The following CACNA1G variants were observed in gnomAD, a reference collection of about 807,000 sequenced individuals.
CACNA1G encodes the protein calcium voltage-gated channel subunit alpha1 G.
CACNA1G carries 67 observed loss-of-function variants against 219.4 expected under a neutral mutation model. The observed-to-expected ratio is 0.31, with a 90% CI of 0.25 to 0.37. The LOEUF is 0.37. CACNA1G is among the 10% of genes least tolerant of loss of function. CACNA1G has a pLI of 1.00. For synonymous variants in CACNA1G, 1,296 were observed against 1,345.3 expected (o/e 0.96, Z 0.80); for missense variants, 2,380 against 3,231.4 (o/e 0.74, Z 6.39).
At chr17:50,609,525 C>T (rs1041746745) in intron 25 of CACNA1G, among the ~76,000 whole-genome samples, 21 of 151,992 alleles carry the variant, frequency 1.4e-4, no homozygotes, top group African/African-American at 3.9e-4. Context: ...TTTTGGCAGG[C>T]GGCACTTGTG....
intron 13 of CACNA1G, among the ~76,000 whole-genome samples, chr17:50,594,445 T>A (rs1238233402): frequency 1.3e-5 from 2 of 152,188 alleles, no homozygotes; most frequent in Non-Finnish European, 2.9e-5. Flanking sequence ...CTGACTTTCG[T>A]CCATTCCTTT....
At position 50,623,791 on chromosome 17, in the gene CACNA1G, G is replaced by A. The variant is rs964591319; in HGVS notation, c.6061-116G>A. The A allele has an allele frequency of 9.3e-6, 10 of 1,080,676 alleles. No individual in the cohort carries two copies. In the East Asian group the frequency reaches 2.4e-4, roughly 25 times the overall value. 66.9% of individuals were successfully genotyped at this position (1,080,676 alleles called of 1,614,324 possible). ...CCCATCTCTACCTTGTCCTGGGAGG[G>A]CACGGGGGTGAGGGCTGGGCGGGGG... On this transcript the variant is annotated intron_variant, in intron 35 of 37. Transcript: ENST00000359106.
intron 28 of CACNA1G, 94 bp downstream of exon 28, chr17:50,616,478 C>G: frequency 4.1e-6 from 3 of 737,680 alleles, no homozygotes; most frequent in Non-Finnish European, 6.8e-6. Context: ...GTGTCTAAGA[C>G]TTTTCTTAAT....
rs1446750520 is a variant in CACNA1G at position 50,624,380 on chromosome 17, T to C, written c.6250T>C (p.Ser2084Pro). Residue 2084 changes from serine (S) to proline (P), a missense_variant, in exon 37 of 38, where the codon TCC becomes CCC. Around this residue, in one of 17 missense-constraint regions of CACNA1G, gnomAD observed 672 missense variants for 670.5 expected, o/e 1.00. Transcript: ENST00000359106. ...AQSGSVLSVH[S>P]QPADTSYILQ... ...CACAGGCTCCGTCTTGTCCGTTCAC[T>C]CCCAGCCAGCAGATACCAGCTACAT... 3 of 1,310,484 alleles carry C rather than the reference T, an allele frequency of 2.3e-6. No individual in the cohort carries two copies. 81.2% of individuals were successfully genotyped at this position (1,310,484 alleles called of 1,614,324 possible).
At position 50,619,025 on chromosome 17, in the gene CACNA1G, C is replaced by T; in HGVS notation, c.5781+17C>T. The T allele has an allele frequency of 6.7e-7, 1 of 1,497,154 alleles. No homozygotes were observed. The highest frequency in any genetic ancestry group is 2.3e-5 in the East Asian group (1 of 43,606). 92.7% of individuals were successfully genotyped at this position (1,497,154 alleles called of 1,614,324 possible). The stretch of plus-strand genomic sequence containing the variant: ...CACCCCACGGTGAGCAGACACCCAC[C>T]CCAGCCGTGAGAGGAGCTGGGGCAG... On this transcript the variant is annotated intron_variant, in intron 33 of 37. Coordinates refer to ENST00000359106, the MANE Select transcript of CACNA1G (RefSeq NM_018896.5).
At position 50,600,523 on chromosome 17, in the gene CACNA1G, C is replaced by T. The variant is rs2046410422; in HGVS notation, c.3691-203C>T. ...GGAGGAGGTGGAGAGGCAAGGGGTC[C>T]TCAGGGATGGGGAGGGGGCCTGGCA... is the stretch of plus-strand genomic sequence containing the variant. On this transcript the variant is annotated intron_variant, in intron 17 of 37. Coordinates refer to ENST00000359106, the MANE Select transcript of CACNA1G (RefSeq NM_018896.5). This position sits in a 1 kb window ranked among gnomAD's most constrained non-coding sequence, Gnocchi z 4.1. Among the ~76,000 whole-genome samples, 1 of 151,238 alleles carries T rather than the reference C, an allele frequency of 6.6e-6. No homozygotes were observed. The highest frequency in any genetic ancestry group is 1.5e-5 in the Non-Finnish European group (1 of 67,766).
At chr17:50,593,741 G>C (rs1188524567) in intron 13 of CACNA1G, among the ~76,000 whole-genome samples, 1 of 152,208 alleles carries the variant, frequency 6.6e-6, no homozygotes, top group Non-Finnish European at 1.5e-5. Context: ...GGTGTCTTGG[G>C]CTGGGATGCT....
chr17:50,578,395 G>T lies in CACNA1G; in HGVS notation c.2132G>T (p.Arg711Leu), dbSNP rs768461820. 6.2e-7 allele frequency: 1 copy of T among 1,613,198 alleles called. No individual in the cohort carries two copies. Among genetic ancestry groups the T allele is most frequent in the African/African-American group, 1.3e-5 (1 of 74,908 alleles). ...QHSDLRDPHSRRQRSLGPDAE... is the reference protein window; with the variant it reads ...QHSDLRDPHSLRQRSLGPDAE... ...AGCGACCTCCGGGACCCCCACAGCC[G>T]GCGGCAACGGAGCCTGGGCCCAGAT... The change falls in exon 9 of 38, where the codon CGG becomes CTG. Residue 711 changes from arginine to leucine, a missense_variant. By Grantham distance (102) the Arg-to-Leu change is moderately radical. Around this residue, in one of 17 missense-constraint regions of CACNA1G, gnomAD observed 434 missense variants for 417.3 expected, o/e 1.04. Coordinates refer to ENST00000359106, the MANE Select transcript of CACNA1G (RefSeq NM_018896.5). This position sits in a 1 kb window ranked among gnomAD's most constrained non-coding sequence, Gnocchi z 4.5.
chr17:50,578,525 G>A lies in CACNA1G; in HGVS notation c.2262G>A (p.Leu754=), dbSNP rs1466478196. The change falls in exon 9 of 38, where the codon CTG becomes CTA. Residue 754 remains leucine, a synonymous_variant. Coordinates refer to ENST00000359106, the MANE Select transcript of CACNA1G (RefSeq NM_018896.5). This position sits in a 1 kb window ranked among gnomAD's most constrained non-coding sequence, Gnocchi z 4.5. ...GCCGGGGAATCATGATCGCCATCCT[G>A]GTCAACACACTCAGCATGGGCATCG... The part of the protein sequence containing the change: ...YFGRGIMIAI[L]VNTLSMGIEY... 6.3e-7 allele frequency: 1 copy of A among 1,576,060 alleles called. No individual in the cohort carries two copies.
In CACNA1G at chr17:50,587,067, C is replaced by A. The variant is rs199890098; in HGVS notation, c.2302-3404C>A. ...GATGCAGGCTAGACCTGGGAAGGGA[C>A]TTCCACAGCTGGGGGTGGCCAGTGA... On this transcript the variant is annotated intron_variant, in intron 9 of 37. Coordinates refer to ENST00000359106, the MANE Select transcript of CACNA1G (RefSeq NM_018896.5). Among the ~76,000 whole-genome samples, 22 of 152,294 alleles carry A rather than the reference C, an allele frequency of 1.4e-4. No individual in the cohort carries two copies. In the East Asian group the frequency reaches 3.9e-3, roughly 27 times the overall value.
At chr17:50,566,834 C>T (rs2038014768) in intron 1 of CACNA1G, among the ~76,000 whole-genome samples, 1 of 152,242 alleles carries the variant, frequency 6.6e-6, no homozygotes, top group African/African-American at 2.4e-5. Context: ...GGAGCCCCAG[C>T]TCAGCAGGGG....
At chr17:50,576,605 C>T (rs2040718323) in intron 8 of CACNA1G, among the ~76,000 whole-genome samples, 1 of 152,246 alleles carries the variant, frequency 6.6e-6, no homozygotes, top group Admixed American at 6.5e-5. Context: ...AACTGTTGCA[C>T]ACAGCAATGG....
chr17:50,595,176 A>G, intron 14 of CACNA1G, 115 bp downstream of exon 14: 1 of 760,384 alleles, frequency 1.3e-6, no homozygotes, highest in East Asian at 2.8e-5. Context: ...AACCTGTCAT[A>G]GCCGTGATGG....
chr17:50,619,418 C>G (rs944792507), intron 33 of CACNA1G, among the ~76,000 whole-genome samples: 4 of 152,148 alleles, frequency 2.6e-5, no homozygotes, highest in Non-Finnish European at 5.9e-5. Context: ...CGCTCTCTCT[C>G]TCTCCCCCCG....
intron 10 of CACNA1G, 67 bp downstream of exon 10, chr17:50,590,689 GC>G (rs1310042822): frequency 2.7e-6 from 4 of 1,491,672 alleles, no homozygotes; most frequent in Non-Finnish European, 3.7e-6. Flanking sequence ...GGGGCCAGGG[GC>G]CATGCCACCT....
At chr17:50,601,879 C>T (rs1425814728) in intron 19 of CACNA1G, among the ~76,000 whole-genome samples, 1 of 152,154 alleles carries the variant, frequency 6.6e-6, no homozygotes, top group African/African-American at 2.4e-5. Context: ...CCAGGGTTTG[C>T]CTCTCATCCC....
At chr17:50,601,244 AG>A (rs1195274196) in intron 19 of CACNA1G, 70 bp downstream of exon 19, 4 of 1,574,108 alleles carry the variant, frequency 2.5e-6, no homozygotes, top group Non-Finnish European at 3.5e-6. Flanking sequence ...GAGGGAGGCA[AG>A]GAGGCCACAG....
At position 50,576,071 on chromosome 17, in the gene CACNA1G, T is replaced by C; in HGVS notation, c.1669T>C (p.Tyr557His). ...PGGAESVHSF[Y>H]HADCHLEPVR... ...TGGCGCAGAGTCTGTGCACAGCTTC[T>C]ACCATGCCGACTGCCACTTAGAGCC... The change falls in exon 8 of 38, where the codon TAC (tyrosine) becomes CAC (histidine). Residue 557 changes from tyrosine to histidine, a missense_variant. Physicochemically the swap from Tyr to His is moderately conservative, Grantham distance 83. Coordinates refer to ENST00000359106, the MANE Select transcript of CACNA1G (RefSeq NM_018896.5). 1 of 1,586,460 alleles carries C rather than the reference T, an allele frequency of 6.3e-7. No individual in the cohort carries two copies.
chr17:50,575,272 A>T (rs1313085253), intron 7 of CACNA1G, among the ~76,000 whole-genome samples: 3 of 152,188 alleles, frequency 2.0e-5, no homozygotes, highest in African/African-American at 7.2e-5. Context: ...TTGGAATTTC[A>T]TAGAGCTTGG....
Sources: gnomAD v4.1 joint callset for allele counts (sites outside exome capture counted in the v4.1 genomes callset) on GRCh38, gnomAD v4.1.1 for gene constraint, gnomAD v4.1.1 regional missense constraint, Gnocchi (gnomAD v3.1) non-coding constraint, MANE v1.5 for transcripts, NCBI Gene and HGNC (gene_info 2026-07-23, HGNC 2026-07-21) for gene names.